The following TENT4A variants were observed in gnomAD, a reference collection of about 807,000 sequenced individuals.
TENT4A encodes terminal nucleotidyltransferase 4A, also known as DNA polymerase kappa.
In TENT4A, 7 loss-of-function variants were observed where a neutral mutation model predicts 72.8. That is an observed-to-expected ratio of 0.10 (90% confidence interval 0.05 to 0.18). TENT4A has a LOEUF of 0.18. Among genes scored for constraint, TENT4A ranks in the 10% least tolerant of loss-of-function variants. The pLI, the probability that TENT4A is intolerant of heterozygous loss-of-function variation, is 1.00. For missense variants in TENT4A, 831 were observed against 1,017.7 expected (o/e 0.82, Z 2.50); for synonymous variants, 456 against 434.3 (o/e 1.05, Z -0.62).
At chr5:6,743,649 A>G (rs1264100209) in intron 5 of TENT4A, 63 bp from the exon 6 acceptor site, 15 of 1,290,772 alleles carry the variant, frequency 1.2e-5, no homozygotes, top group African/African-American at 1.5e-5. Flanking sequence ...GTGATTTGCT[A>G]TGTGAAATCT....
intron 3 of TENT4A, among the ~76,000 whole-genome samples, chr5:6,739,036 A>AT (rs1235612836): frequency 6.6e-6 from 1 of 152,226 alleles, no homozygotes; most frequent in Non-Finnish European, 1.5e-5. Flanking sequence ...TTCTGCTGAT[A>AT]TTTTAGGACA....
intron 4 of TENT4A, among the ~76,000 whole-genome samples, chr5:6,740,069 T>C (rs764029066): frequency 6.6e-6 from 1 of 152,250 alleles, no homozygotes; most frequent in Non-Finnish European, 1.5e-5. Flanking sequence ...GTCTGAACTT[T>C]TGGGACTTGT....
In TENT4A at chr5:6,754,808, G is replaced by A. The variant is rs762098149; in HGVS notation, c.2242G>A (p.Gly748Ser). The change falls in exon 13 of 13, where the codon GGC becomes AGC. Residue 748 changes from glycine (G) to serine (S), a missense_variant. Gly to Ser is a moderately conservative substitution (Grantham distance 56). This residue lies in a region of TENT4A where 332 missense variants were observed against 324.3 expected (regional missense o/e 1.02). Transcript: ENST00000230859. ...KGSHGHTQGG[G>S]YSSVGSGGVR... is the part of the protein sequence containing the mutation. The stretch of plus-strand genomic sequence containing the variant: ...CTCTCACGGCCACACCCAAGGCGGC[G>A]GCTACAGCTCTGTGGGTAGCGGAGG... 9.4e-6 allele frequency: 15 copies of A among 1,603,006 alleles called. No individual in the cohort carries two copies. The highest frequency in any genetic ancestry group is 6.7e-5 in the African/African-American group (5 of 74,746).
At chr5:6,735,008 G>GC (rs1330773919) in intron 1 of TENT4A, among the ~76,000 whole-genome samples, 114 of 152,340 alleles carry the variant, frequency 7.5e-4, no homozygotes, top group African/African-American at 2.6e-3. Flanking sequence ...GAATGTGGCT[G>GC]CACAGGTCCT....
intron 2 of TENT4A, 92 bp from the exon 3 acceptor site, chr5:6,738,591 G>C: frequency 1.1e-6 from 1 of 914,054 alleles, no homozygotes; most frequent in South Asian, 1.3e-5. Context: ...TTACCCAAGG[G>C]TATAGTGAGG....
At chr5:6,719,891 C>T (rs971882066) in intron 1 of TENT4A, among the ~76,000 whole-genome samples, 13 of 152,146 alleles carry the variant, frequency 8.5e-5, no homozygotes, top group African/African-American at 2.4e-4. Flanking sequence ...TCAGGGATGG[C>T]GGGGCTGGGT....
rs960413819 is a variant in TENT4A, at chr5:6,747,502, C to A, written c.1460-962C>A. 5.3e-5 allele frequency among the ~76,000 whole-genome samples: 8 copies of A among 151,954 alleles called. No individual in the cohort carries two copies. In the East Asian group the frequency reaches 7.7e-4, roughly 15 times the overall value. ...TGAGCTTTATTTATTTCCTAAAGAT[C>A]GTCTCAAGGAAAACACATTGGCTGA... On this transcript the variant is annotated intron_variant, in intron 7 of 12. Transcript: ENST00000230859.
chr5:6,725,147 C>T (rs1740848140), intron 1 of TENT4A, among the ~76,000 whole-genome samples: 1 of 152,134 alleles, frequency 6.6e-6, no homozygotes, highest in South Asian at 2.1e-4. Context: ...CAGTAAAACC[C>T]CATCTCTACT....
intron 1 of TENT4A, among the ~76,000 whole-genome samples, chr5:6,735,132 C>T (rs1003098): frequency 0.21 from 31,866 of 152,126 alleles, 3,663 homozygotes; most frequent in Non-Finnish European, 0.26. Flanking sequence ...GCCCTGTTTA[C>T]AATATGCTTT....
At chr5:6,723,804 A>T (rs1385720493) in intron 1 of TENT4A, among the ~76,000 whole-genome samples, 2 of 152,172 alleles carry the variant, frequency 1.3e-5, no homozygotes, top group Non-Finnish European at 2.9e-5. Context: ...TTTCATAGGG[A>T]AGCCAGTCCT....
Position 6,714,226 on chromosome 5 carries a change from C to T in TENT4A, c.243C>T (p.Pro81=), listed in dbSNP as rs1185101959. The T allele has an allele frequency of 1.0e-6, 1 of 992,176 alleles. No homozygotes were observed. Among genetic ancestry groups the T allele is most frequent in the African/African-American group, 1.8e-5 (1 of 56,650 alleles). The allele number at this position is 992,176 out of a possible 1,614,324, so 61.5% of individuals were successfully genotyped here. ...CCCCGCCGCCCGGCCCCACCGCGCCCGCCGCGCTGCCCCCCGCGCTGCTGA... is the reference window on the plus strand; with the variant it reads ...CCCCGCCGCCCGGCCCCACCGCGCCTGCCGCGCTGCCCCCCGCGCTGCTGA... ...ASPPPPGPTA[P]AALPPALLTA... The change falls in exon 1 of 13, where the codon CCC becomes CCT. Residue 81 remains proline (P), a synonymous_variant. Transcript: ENST00000230859.
At chr5:6,748,626 G>T in intron 8 of TENT4A, 36 bp downstream of exon 8, 1 of 1,593,718 alleles carries the variant, frequency 6.3e-7, no homozygotes, top group South Asian at 1.1e-5. Context: ...GGCTCAGCGT[G>T]CCTGTGGGAT....
At chr5:6,736,954 G>A (rs1741539352) in intron 1 of TENT4A, among the ~76,000 whole-genome samples, 1 of 152,238 alleles carries the variant, frequency 6.6e-6, no homozygotes, top group African/African-American at 2.4e-5. Flanking sequence ...ATGAAACCAG[G>A]ATTTAGTGGA....
intron 11 of TENT4A, 199 bp downstream of exon 11, chr5:6,751,396 A>G (rs1305515465): frequency 3.4e-6 from 2 of 585,972 alleles, no homozygotes; most frequent in Admixed American, 6.2e-5. Flanking sequence ...AGCAGCGAGG[A>G]CACTGTGGTT....
Position 6,747,097 on chromosome 5 carries a change from A to G in TENT4A, c.1459+670A>G, listed in dbSNP as rs183107943. On this transcript the variant is annotated intron_variant, in intron 7 of 12. Coordinates refer to ENST00000230859, the MANE Select transcript of TENT4A (RefSeq NM_006999.6). ...ACGCTTTTAAATTTATATTTCTTTA[A>G]TGATTAGTGGGGTTAAACACATTGC... is the stretch of plus-strand genomic sequence containing the variant. Among the ~76,000 whole-genome samples the G allele has an allele frequency of 3.9e-5, 6 of 152,324 alleles. No homozygotes were observed. The South Asian group carries it at 6.2e-4, about 16-fold the overall frequency.
At chr5:6,721,162 T>C (rs968036984) in intron 1 of TENT4A, among the ~76,000 whole-genome samples, 2 of 152,132 alleles carry the variant, frequency 1.3e-5, no homozygotes, top group African/African-American at 4.8e-5. Flanking sequence ...GCATTCTTAG[T>C]GCCAAGCACA....
intron 1 of TENT4A, among the ~76,000 whole-genome samples, chr5:6,726,654 G>T (rs1579458669): frequency 6.6e-6 from 1 of 152,158 alleles, no homozygotes; most frequent in Non-Finnish European, 1.5e-5. Flanking sequence ...TCTGCCATGT[G>T]CCTGGGTCTC....
At chr5:6,739,285 G>T (rs1741676394) in intron 3 of TENT4A, among the ~76,000 whole-genome samples, 1 of 152,174 alleles carries the variant, frequency 6.6e-6, no homozygotes, top group African/African-American at 2.4e-5. Flanking sequence ...GGCCGAAGAG[G>T]CTATAATCTC....
At chr5:6,719,215 T>C (rs1740530524) in intron 1 of TENT4A, among the ~76,000 whole-genome samples, 1 of 152,248 alleles carries the variant, frequency 6.6e-6, no homozygotes, top group Admixed American at 6.5e-5. Context: ...CTATTTAATA[T>C]GAGATTTTGT....
Sources: allele counts gnomAD v4.1 joint callset (sites outside exome capture counted in the v4.1 genomes callset), GRCh38; gene constraint gnomAD v4.1.1; regional missense constraint gnomAD v4.1.1; transcripts MANE v1.5; gene names NCBI Gene and HGNC (gene_info 2026-07-23, HGNC 2026-07-21).